Variants in CSRNP3 observed in about 807,000 individuals in gnomAD.
CSRNP3 encodes cysteine/serine-rich nuclear protein 3.
A neutral mutation model predicts 48.0 loss-of-function variants in CSRNP3; 12 were observed. The ratio of observed to expected loss-of-function variants is 0.25; its 90% CI spans 0.16 to 0.41. The LOEUF is 0.41. CSRNP3 is among the 10% of genes least tolerant of loss of function. The pLI, the probability that CSRNP3 is intolerant of heterozygous loss-of-function variation, is 1.00. For synonymous variants in CSRNP3, 263 were observed against 269.7 expected (o/e 0.98, Z 0.24); for missense variants, 580 against 724.4 (o/e 0.80, Z 2.29).
At chr2:165,513,411 A>G (rs575074758) in intron 2 of CSRNP3, among the ~76,000 whole-genome samples, 1 of 152,208 alleles carries the variant, frequency 6.6e-6, no homozygotes, top group East Asian at 1.9e-4. Flanking sequence ...AGGCTTCCAG[A>G]CAAGCAGAAG....
intron 2 of CSRNP3, among the ~76,000 whole-genome samples, chr2:165,511,226 A>G (rs897656342): frequency 1.3e-5 from 2 of 152,226 alleles, no homozygotes; most frequent in South Asian, 2.1e-4. Flanking sequence ...GAGGAATTCA[A>G]TGTAGAATTG....
chr2:165,533,878 A>T (rs1684848302), intron 3 of CSRNP3, among the ~76,000 whole-genome samples: 1 of 151,996 alleles, frequency 6.6e-6, no homozygotes, highest in Non-Finnish European at 1.5e-5. Context: ...TGATAAGTGT[A>T]AGAAAACTTT....
chr2:165,497,433 G>A (rs145649910), intron 2 of CSRNP3, among the ~76,000 whole-genome samples: 22 of 152,158 alleles, frequency 1.4e-4, no homozygotes, highest in Admixed American at 3.3e-4. Flanking sequence ...GGGGAGGAAG[G>A]ATAAAGAATA....
intron 4 of CSRNP3, among the ~76,000 whole-genome samples, chr2:165,618,287 C>G (rs1002578294): frequency 2.0e-5 from 3 of 152,192 alleles, no homozygotes; most frequent in Non-Finnish European, 4.4e-5. Context: ...TTGCTTTCCT[C>G]TCTGTGCTGC....
intron 4 of CSRNP3, among the ~76,000 whole-genome samples, chr2:165,628,567 T>C (rs1686478146): frequency 6.7e-6 from 1 of 148,746 alleles, no homozygotes; most frequent in African/African-American, 2.5e-5. Context: ...CTACTAAAAA[T>C]ACAAAAATTA....
intron 3 of CSRNP3, among the ~76,000 whole-genome samples, chr2:165,550,241 G>A (rs1031641764): frequency 6.6e-6 from 1 of 152,038 alleles, no homozygotes; most frequent in African/African-American, 2.4e-5. Context: ...GAAAGATATG[G>A]GTGCCAAATG....
At chr2:165,507,431 C>T (rs1446333040) in intron 2 of CSRNP3, among the ~76,000 whole-genome samples, 9 of 152,088 alleles carry the variant, frequency 5.9e-5, no homozygotes, top group African/African-American at 2.2e-4. Flanking sequence ...AGCATTGAAT[C>T]TGCAGTTCTC....
chr2:165,569,680 T>A (rs1260391488), intron 3 of CSRNP3, among the ~76,000 whole-genome samples: 2 of 152,014 alleles, frequency 1.3e-5, no homozygotes, highest in African/African-American at 4.8e-5. Context: ...AAAAAATTCT[T>A]GGCCCATAAA....
chr2:165,661,163 A>C (rs949604252), intron 5 of CSRNP3, among the ~76,000 whole-genome samples: 1 of 152,194 alleles, frequency 6.6e-6, no homozygotes. Context: ...TCACTCTGAT[A>C]CTTGAAATTT....
intron 2 of CSRNP3, among the ~76,000 whole-genome samples, chr2:165,517,600 T>C (rs1229547619): frequency 6.6e-6 from 1 of 151,918 alleles, no homozygotes; most frequent in Non-Finnish European, 1.5e-5. Context: ...TAACTTATTG[T>C]CCCAAATAAT....
chr2:165,500,317 TATAA>T (rs2105464648), intron 2 of CSRNP3, among the ~76,000 whole-genome samples: 1 of 150,718 alleles, frequency 6.6e-6, no homozygotes, highest in East Asian at 2.0e-4. Context: ...TTACAATTCA[TATAA>T]ATAAGGAATA....
intron 4 of CSRNP3, among the ~76,000 whole-genome samples, chr2:165,608,367 A>C (rs910043423): frequency 6.6e-6 from 1 of 152,136 alleles, no homozygotes; most frequent in Non-Finnish European, 1.5e-5. Flanking sequence ...AACTATCTTC[A>C]AAGCTGCCTT....
At chr2:165,508,641 CA>C (rs1684459895) in intron 2 of CSRNP3, among the ~76,000 whole-genome samples, 1 of 151,864 alleles carries the variant, frequency 6.6e-6, no homozygotes, top group Non-Finnish European at 1.5e-5. Flanking sequence ...AATTTTTAGT[CA>C]AAAAATGGAT....
intron 3 of CSRNP3, among the ~76,000 whole-genome samples, chr2:165,568,928 T>A (rs975221513): frequency 1.3e-5 from 2 of 152,158 alleles, no homozygotes; most frequent in Admixed American, 6.6e-5. Context: ...ATATTGAAAA[T>A]AAATAAATGT....
At chr2:165,647,293 A>G (rs1686829768) in intron 4 of CSRNP3, among the ~76,000 whole-genome samples, 1 of 152,230 alleles carries the variant, frequency 6.6e-6, no homozygotes, top group South Asian at 2.1e-4. Context: ...TAAATCGATT[A>G]CATTATTTGA....
intron 3 of CSRNP3, among the ~76,000 whole-genome samples, chr2:165,519,278 T>C (rs573291036): frequency 6.6e-5 from 10 of 152,210 alleles, no homozygotes; most frequent in African/African-American, 2.4e-4. Flanking sequence ...CTACATTTTT[T>C]TTTTAATTCG....
In CSRNP3 at chr2:165,679,178, G is replaced by A; in HGVS notation, c.1183G>A (p.Glu395Lys). 1.9e-6 allele frequency: 3 copies of A among 1,613,934 alleles called. No homozygotes were observed. The highest frequency in any genetic ancestry group is 2.5e-6 in the Non-Finnish European group (3 of 1,179,976). ...DDDDKGDGFV[E>K]GLGTHAEVVP... is the part of the protein sequence containing the mutation. ...TGATGACAAAGGAGATGGCTTCGTG[G>A]AAGGTTTGGGCACCCATGCCGAAGT... Residue 395 changes from glutamate to lysine, a missense_variant, in exon 7 of 7, where the codon GAA becomes AAA. Around this residue, in one of 4 missense-constraint regions of CSRNP3, gnomAD observed 369 missense variants for 380.8 expected, o/e 0.97. Coordinates refer to ENST00000651982, the MANE Select transcript of CSRNP3 (RefSeq NM_001172173.2).
chr2:165,589,074 T>C (rs1164199018), intron 3 of CSRNP3, among the ~76,000 whole-genome samples: 1 of 152,230 alleles, frequency 6.6e-6, no homozygotes, highest in Non-Finnish European at 1.5e-5. Context: ...AACAAAAATA[T>C]AATATGTAGG....
At chr2:165,557,244 A>G (rs1685171239) in intron 3 of CSRNP3, among the ~76,000 whole-genome samples, 1 of 152,244 alleles carries the variant, frequency 6.6e-6, no homozygotes, top group Admixed American at 6.5e-5. Flanking sequence ...TTATTGGAAC[A>G]CAGACACATT....
Sources: allele counts gnomAD v4.1 joint callset (sites outside exome capture counted in the v4.1 genomes callset), GRCh38; gene constraint gnomAD v4.1.1; regional missense constraint gnomAD v4.1.1; transcripts MANE v1.5; gene names NCBI Gene and HGNC (gene_info 2026-07-23, HGNC 2026-07-21).